MFSD6: variants seen among roughly 807,000 people sequenced by gnomAD.
MFSD6 encodes the protein major facilitator superfamily domain-containing protein 6.
MFSD6 carries 26 observed loss-of-function variants against 56.3 expected under a neutral mutation model. That is an observed-to-expected ratio of 0.46 (90% confidence interval 0.34 to 0.64). The LOEUF is 0.64. Ranked by LOEUF, MFSD6 falls within the 30% of genes least tolerant of loss-of-function variation. The pLI, the probability that MFSD6 is intolerant of heterozygous loss-of-function variation, is 0.01. For missense variants in MFSD6, 750 were observed against 986.2 expected (o/e 0.76, Z 3.21); for synonymous variants, 331 against 366.9 (o/e 0.90, Z 1.12).
intron 3 of MFSD6, among the ~76,000 whole-genome samples, chr2:190,446,876 G>C (rs749011338): frequency 1.3e-5 from 2 of 152,118 alleles, no homozygotes; most frequent in Non-Finnish European, 2.9e-5. Flanking sequence ...TTCTATTTTA[G>C]AACAGGCCAA....
intron 4 of MFSD6, among the ~76,000 whole-genome samples, chr2:190,474,821 A>C (rs1294632334): frequency 6.6e-6 from 1 of 152,190 alleles, no homozygotes; most frequent in Non-Finnish European, 1.5e-5. Flanking sequence ...TCCTCAATAA[A>C]ATACTGGCAA....
rs1689984321 is a variant in MFSD6, at chr2:190,500,691, A to C, written c.*473A>C. 1 of 153,316 alleles carries C rather than the reference A, an allele frequency of 6.5e-6. No homozygotes were observed. The highest frequency in any genetic ancestry group is 1.9e-4 in the East Asian group (1 of 5,212). The allele number at this position is 153,316 out of a possible 1,614,324, so 9.5% of individuals were successfully genotyped here. A position where few individuals can be genotyped will look rare whatever the true frequency, so the allele number is the denominator to read the frequency against. ...TTTCTTGGAGAGAACCGTTTAAAAA[A>C]TTACAAGATATATTTAAAAAGTAAC... On this transcript the variant is annotated 3_prime_UTR_variant, in exon 8 of 8. Coordinates refer to ENST00000392328, the MANE Select transcript of MFSD6 (RefSeq NM_017694.4). This position sits in a 1 kb window ranked among gnomAD's most constrained non-coding sequence, Gnocchi z 5.3.
At chr2:190,408,058 T>G (rs76334266), upstream of MFSD6, among the ~76,000 whole-genome samples, 32,989 of 151,742 alleles carry the variant, frequency 0.22, 3,745 homozygotes, top group East Asian at 0.29. Flanking sequence ...TGGGTTCAGG[T>G]GTCCCTCCGG....
intron 4 of MFSD6, chr2:190,477,321 G>A (rs1559134455): frequency 1.2e-5 from 12 of 984,672 alleles, no homozygotes; most frequent in Non-Finnish European, 1.4e-5. Context: ...ATCCTGACCT[G>A]GCTTAATTGC....
intron 3 of MFSD6, among the ~76,000 whole-genome samples, chr2:190,466,102 T>C (rs938241622): frequency 6.6e-6 from 1 of 152,208 alleles, no homozygotes; most frequent in African/African-American, 2.4e-5. Flanking sequence ...ATTTCTTCCC[T>C]TGTGCCTGCT....
In MFSD6 at chr2:190,434,098, G is replaced by C. The variant is rs9646815; in HGVS notation, c.-53-1879G>C. On this transcript the variant is annotated intron_variant, in intron 2 of 7. Transcript: ENST00000392328. The surrounding 1 kb of genome is among the most constrained non-coding windows in gnomAD (Gnocchi z 4.3). ...CTTAGGAGACTGAGGTGGAAGGATT[G>C]CTTGAGACTGGGAGGTTGAGGCTGC... is the stretch of plus-strand genomic sequence containing the variant. Among the ~76,000 whole-genome samples, 68,554 of 150,816 alleles carry C rather than the reference G, an allele frequency of 0.45. 15,977 individuals are homozygous for C. Among genetic ancestry groups the C allele is most frequent in the East Asian group, 0.6 (3,089 of 5,120 alleles).
chr2:190,497,887 T>G lies in MFSD6; in HGVS notation c.2172+168T>G, dbSNP rs1689796259. On this transcript the variant is annotated intron_variant, in intron 7 of 7. Transcript: ENST00000392328. The surrounding 1 kb of genome is among the most constrained non-coding windows in gnomAD (Gnocchi z 5.2). ...TCTGTGAGCACTGAGTTAAAGAGGGTGTATACAAGGTCCCATAGAGAGAAT... is the reference window on the plus strand; with the variant it reads ...TCTGTGAGCACTGAGTTAAAGAGGGGGTATACAAGGTCCCATAGAGAGAAT... The G allele has an allele frequency of 2.7e-6, 2 of 748,178 alleles. No homozygotes were observed. The highest frequency in any genetic ancestry group is 5.5e-5 in the East Asian group (2 of 36,454). The allele number at this position is 748,178 out of a possible 1,614,324, so 46.3% of individuals were successfully genotyped here.
Position 190,499,954 on chromosome 2 carries a change from T to G in MFSD6, c.2173-61T>G. On this transcript the variant is annotated intron_variant, in intron 7 of 7. Coordinates refer to ENST00000392328, the MANE Select transcript of MFSD6 (RefSeq NM_017694.4). This position sits in a 1 kb window ranked among gnomAD's most constrained non-coding sequence, Gnocchi z 6.0. ...TTCCTGTCTTACTTGAAAGCATATA[T>G]AAAAAGTTGGATTTATTTGCTATCA... is the stretch of plus-strand genomic sequence containing the variant. The G allele has an allele frequency of 2.5e-6, 4 of 1,605,468 alleles. No homozygotes were observed. The South Asian group carries it at 3.3e-5, about 13-fold the overall frequency.
chr2:190,476,235 CA>C (rs1219434961), intron 4 of MFSD6, among the ~76,000 whole-genome samples: 8 of 152,130 alleles, frequency 5.3e-5, no homozygotes, highest in Admixed American at 2.0e-4. Flanking sequence ...AGAGCTTCTG[CA>C]CAGCAAAAGA....
chr2:190,455,006 T>TA (rs1364853385), intron 3 of MFSD6, among the ~76,000 whole-genome samples: 31 of 119,136 alleles, frequency 2.6e-4, no homozygotes, highest in African/African-American at 6.6e-4. Flanking sequence ...GTATAATGTA[T>TA]ATGTATATGT....
chr2:190,460,040 T>G (rs1056121525), intron 3 of MFSD6, among the ~76,000 whole-genome samples: 10 of 152,234 alleles, frequency 6.6e-5, no homozygotes, highest in Non-Finnish European at 1.5e-4. Context: ...GCTGTGGGAC[T>G]ACCACTGACT....
At chr2:190,419,840 G>T (rs183591660) in intron 2 of MFSD6, among the ~76,000 whole-genome samples, 354 of 152,228 alleles carry the variant, frequency 2.3e-3, no homozygotes, top group African/African-American at 7.9e-3. Context: ...TAGCTTTCCA[G>T]GTTTTAGAAG....
intron 4 of MFSD6, among the ~76,000 whole-genome samples, chr2:190,473,580 T>C (rs867938356): frequency 1.3e-5 from 2 of 152,198 alleles, no homozygotes; most frequent in Admixed American, 1.3e-4. Flanking sequence ...AGCAAGTCCT[T>C]AGAGACCTAC....
intron 4 of MFSD6, among the ~76,000 whole-genome samples, chr2:190,476,600 T>C (rs1688332135): frequency 1.3e-5 from 2 of 152,176 alleles, no homozygotes; most frequent in Admixed American, 1.3e-4. Flanking sequence ...TTTTACACTG[T>C]TGGTGGGACT....
chr2:190,481,103 G>A (rs770248029), intron 4 of MFSD6, among the ~76,000 whole-genome samples: 6 of 152,204 alleles, frequency 3.9e-5, no homozygotes, highest in African/African-American at 7.2e-5. Context: ...GTTCTCATGT[G>A]TGGCTTCAGG....
chr2:190,455,668 ATTG>A (rs1686991489), intron 3 of MFSD6, among the ~76,000 whole-genome samples: 1 of 152,160 alleles, frequency 6.6e-6, no homozygotes, highest in Non-Finnish European at 1.5e-5. Context: ...ATGCTTAAAA[ATTG>A]GAGAACATTA....
intron 3 of MFSD6, chr2:190,444,911 G>GT: frequency 1.2e-6 from 1 of 820,246 alleles, no homozygotes; most frequent in Non-Finnish European, 1.5e-6. Flanking sequence ...CTTTTTCCTT[G>GT]TTTTTGCACT....
chr2:190,412,282 G>A lies in MFSD6; in HGVS notation c.-175-3010G>A. The A allele has an allele frequency of 1.0e-6, 1 of 983,610 alleles. No individual in the cohort carries two copies. The highest frequency in any genetic ancestry group is 1.2e-6 in the Non-Finnish European group (1 of 828,354). The allele number at this position is 983,610 out of a possible 1,614,324, so 60.9% of individuals were successfully genotyped here. ...TTGGTTAATTATCATTGTGGTAGTAGGTAATCTTGAGAAAGAGGGAATTGT... is the reference window on the plus strand; with the variant it reads ...TTGGTTAATTATCATTGTGGTAGTAAGTAATCTTGAGAAAGAGGGAATTGT... On this transcript the variant is annotated intron_variant, in intron 1 of 7. Transcript: ENST00000392328. This position sits in a 1 kb window ranked among gnomAD's most constrained non-coding sequence, Gnocchi z 4.1.
chr2:190,449,872 G>A (rs919006669), intron 3 of MFSD6, among the ~76,000 whole-genome samples: 2 of 152,028 alleles, frequency 1.3e-5, no homozygotes, highest in Admixed American at 6.6e-5. Flanking sequence ...TGTGGGGTGG[G>A]GGAAGGGGGG....
Sources: gnomAD v4.1 joint callset for allele counts (sites outside exome capture counted in the v4.1 genomes callset) on GRCh38, gnomAD v4.1.1 for gene constraint, Gnocchi (gnomAD v3.1) non-coding constraint, MANE v1.5 for transcripts, NCBI Gene and HGNC (gene_info 2026-07-23, HGNC 2026-07-21) for gene names.